Variants in GALNT13 observed in about 807,000 individuals in gnomAD.
GALNT13 encodes UDP-GalNAc:polypeptide N-acetylgalactosaminyltransferase 13.
A neutral mutation model predicts 64.2 loss-of-function variants in GALNT13; 28 were observed. The observed-to-expected ratio is 0.44, with a 90% CI of 0.32 to 0.60. The LOEUF (loss-of-function observed/expected upper bound fraction) is 0.60, where lower values mean the gene tolerates loss of function less well. Ranked by LOEUF, GALNT13 falls within the 20% of genes least tolerant of loss-of-function variation. The pLI is 0.05. For synonymous variants in GALNT13, 214 were observed against 224.6 expected (o/e 0.95, Z 0.42); for missense variants, 577 against 669.8 (o/e 0.86, Z 1.53).
At chr2:153,982,941 G>C (rs1025037416) in intron 3 of GALNT13, among the ~76,000 whole-genome samples, 3 of 151,898 alleles carry the variant, frequency 2.0e-5, no homozygotes, top group African/African-American at 7.2e-5. Flanking sequence ...GAGAATTTTT[G>C]TTAGAATTTG....
chr2:153,616,186 T>G, the GALNT13 span, among the ~76,000 whole-genome samples: 2 of 152,030 alleles, frequency 1.3e-5, no homozygotes, highest in Admixed American at 1.3e-4. Flanking sequence ...CGCCATTTAT[T>G]GAAGAGACAG....
the GALNT13 span, among the ~76,000 whole-genome samples, chr2:153,562,058 C>CTG: frequency 0.011 from 934 of 87,084 alleles, 8 homozygotes; most frequent in South Asian, 0.044. Flanking sequence ...CTCTCTCTCT[C>CTG]TCTGTGTGTG....
the GALNT13 span, among the ~76,000 whole-genome samples, chr2:153,356,965 C>T: frequency 6.6e-6 from 1 of 151,460 alleles, no homozygotes; most frequent in Non-Finnish European, 1.5e-5. Flanking sequence ...GCCCAGCTAA[C>T]TTTTGTTTTG....
At chr2:153,476,352 AT>A in the GALNT13 span, among the ~76,000 whole-genome samples, 1 of 152,214 alleles carries the variant, frequency 6.6e-6, no homozygotes. Context: ...TATAGCTGCC[AT>A]TGTGAAGTCT....
intron 8 of GALNT13, among the ~76,000 whole-genome samples, chr2:154,275,148 A>C (rs1020216120): frequency 6.6e-6 from 1 of 152,136 alleles, no homozygotes; most frequent in Non-Finnish European, 1.5e-5. Context: ...AGTTTGGAAA[A>C]TTTGCAGCCT....
chr2:154,007,186 A>G (rs1358500788), intron 3 of GALNT13, among the ~76,000 whole-genome samples: 2 of 152,254 alleles, frequency 1.3e-5, no homozygotes, highest in African/African-American at 4.8e-5. Flanking sequence ...GTGGCGAGGC[A>G]CTGTGAGTGG....
the GALNT13 span, among the ~76,000 whole-genome samples, chr2:153,193,121 A>G: frequency 6.6e-6 from 1 of 152,030 alleles, no homozygotes. Flanking sequence ...TAACATTTGA[A>G]TCATGCTGCT....
chr2:153,967,633 G>C (rs1003755407), intron 3 of GALNT13, among the ~76,000 whole-genome samples: 1 of 152,074 alleles, frequency 6.6e-6, no homozygotes, highest in Non-Finnish European at 1.5e-5. Flanking sequence ...TTGAGGGAGG[G>C]GTGATGTGGG....
chr2:153,630,808 T>TATATATTTATTTA, the GALNT13 span, among the ~76,000 whole-genome samples: 59 of 16,918 alleles, frequency 3.5e-3, no homozygotes, highest in Middle Eastern at 0.17. Flanking sequence ...TATATATATA[T>TATATATTTATTTA]TTTTTTTTTT....
At chr2:153,541,817 A>G in the GALNT13 span, among the ~76,000 whole-genome samples, 1 of 152,244 alleles carries the variant, frequency 6.6e-6, no homozygotes, top group South Asian at 2.1e-4. Context: ...TTTGTTGAAC[A>G]TAAGCATAAA....
Position 153,900,934 on chromosome 2 carries a change from A to G in GALNT13, c.-176-2A>G, listed in dbSNP as rs76639563. On this transcript the variant is annotated splice_acceptor_variant, in intron 1 of 12. Transcript: ENST00000392825. LOFTEE classifies it low-confidence loss of function (5UTR_SPLICE). ...TCTTTTGGATTTTTTCTTCCTCCAC[A>G]GATGCATTTTTGTAGAAGCATTTTG... The G allele has an allele frequency of 6.9e-4, 105 of 152,296 alleles. No homozygotes were observed. Among genetic ancestry groups the G allele is most frequent in the African/African-American group, 2.4e-3 (99 of 41,578 alleles). The allele number at this position is 152,296 out of a possible 1,614,324, so 9.4% of individuals were successfully genotyped here.
At chr2:153,082,594 TATATATATATATATATATATATATACAC>T in the GALNT13 span, among the ~76,000 whole-genome samples, 380 of 42,420 alleles carry the variant, frequency 9.0e-3, 1 homozygote, top group South Asian at 0.028. Context: ...TATATATATA[TATATATATATATATATATATATATACAC>T]ACACACACAC....
At chr2:153,505,375 A>C in the GALNT13 span, among the ~76,000 whole-genome samples, 1 of 151,978 alleles carries the variant, frequency 6.6e-6, no homozygotes, top group Non-Finnish European at 1.5e-5. Context: ...AGTTTCATTT[A>C]ATTCTCTGCT....
chr2:153,939,307 A>G (rs996416009), intron 2 of GALNT13, among the ~76,000 whole-genome samples: 3 of 152,138 alleles, frequency 2.0e-5, no homozygotes, highest in African/African-American at 7.2e-5. Context: ...AGTAATTCGT[A>G]TATTTAAGGA....
intron 3 of GALNT13, among the ~76,000 whole-genome samples, chr2:154,057,801 T>A (rs1162077762): frequency 6.6e-6 from 1 of 152,240 alleles, no homozygotes; most frequent in Admixed American, 6.5e-5. Flanking sequence ...TCATTACGAT[T>A]TCAGTATCAT....
rs372654338 is a variant in GALNT13 at position 154,110,837 on chromosome 2, G to T, written c.143-29500G>T. ...ACGTGAACTCATACACATCTCCTGA[G>T]GTTATACATAATCTTCAAATAAAGA... On this transcript the variant is annotated intron_variant, in intron 3 of 12. Transcript: ENST00000392825. 2.3e-4 allele frequency among the ~76,000 whole-genome samples: 35 copies of T among 152,058 alleles called. No homozygotes were observed. The East Asian group carries it at 6.2e-3, about 27-fold the overall frequency.
chr2:154,145,296 A>C (rs1683528857), intron 4 of GALNT13, among the ~76,000 whole-genome samples: 1 of 151,756 alleles, frequency 6.6e-6, no homozygotes, highest in African/African-American at 2.4e-5. Context: ...AAAAATGACT[A>C]TTAACTAATG....
chr2:153,101,097 T>C, the GALNT13 span, among the ~76,000 whole-genome samples: 1 of 152,218 alleles, frequency 6.6e-6, no homozygotes, highest in South Asian at 2.1e-4. Flanking sequence ...TGTTATGATG[T>C]AAATAACATA....
chr2:154,221,827 A>G (rs552956913), intron 4 of GALNT13, among the ~76,000 whole-genome samples: 3 of 152,220 alleles, frequency 2.0e-5, no homozygotes, highest in Non-Finnish European at 4.4e-5. Context: ...CTTATTATGA[A>G]AATTCATTTG....
Sources: gnomAD v4.1 joint callset for allele counts (sites outside exome capture counted in the v4.1 genomes callset) on GRCh38, gnomAD v4.1.1 for gene constraint, MANE v1.5 for transcripts, NCBI Gene and HGNC (gene_info 2026-07-23, HGNC 2026-07-21) for gene names.